SBF2: variants seen among roughly 807,000 people sequenced by gnomAD.
The protein encoded by SBF2 is myotubularin-related protein 13.
A neutral mutation model predicts 225.2 loss-of-function variants in SBF2; 112 were observed. The ratio of observed to expected loss-of-function variants is 0.50; its 90% CI spans 0.43 to 0.58. The LOEUF is 0.58. Among genes scored for constraint, SBF2 ranks in the 20% least tolerant of loss-of-function variants. SBF2 has a pLI of 0.00. For missense variants in SBF2, 1,996 were observed against 2,206.2 expected, an observed-to-expected ratio of 0.90 and a Z score of 1.91; for synonymous variants, 763 against 773.3, an observed-to-expected ratio of 0.99 and a Z score of 0.22.
Position 10,294,000 on chromosome 11 carries a change from G to A in SBF2, c.55+15C>T. 3.6e-6 allele frequency: 5 copies of A among 1,371,128 alleles called. No individual in the cohort carries two copies. The highest frequency in any genetic ancestry group is 6.3e-5 in the East Asian group (2 of 31,624). The allele number at this position is 1,371,128 out of a possible 1,614,324, so 84.9% of individuals were successfully genotyped here. A position where few individuals can be genotyped will look rare whatever the true frequency, so the allele number is the denominator to read the frequency against. ...GGCGGGGAGGCCCGGGGGCGGTGCCGCCCCACACCCTTACCTGGCTTCTCG... is the reference window on the plus strand; with the variant it reads ...GGCGGGGAGGCCCGGGGGCGGTGCCACCCCACACCCTTACCTGGCTTCTCG... On this transcript the variant is annotated intron_variant, in intron 1 of 39. Coordinates refer to ENST00000256190, the MANE Select transcript of SBF2 (RefSeq NM_030962.4).
chr11:10,195,959 T>C (rs879930657), intron 1 of SBF2, among the ~76,000 whole-genome samples: 2 of 152,132 alleles, frequency 1.3e-5, no homozygotes, highest in African/African-American at 2.4e-5. Context: ...ATGAAACAAA[T>C]TGCTAGGTGT....
intron 16 of SBF2, among the ~76,000 whole-genome samples, chr11:9,907,930 C>T (rs11042541): frequency 0.57 from 87,151 of 152,030 alleles, 25,268 homozygotes; most frequent in African/African-American, 0.6. Flanking sequence ...AAATTATTTG[C>T]TTGCGATTAT....
At chr11:10,299,712 G>T (rs774705564) in intron 1 of SBF2, among the ~76,000 whole-genome samples, 1 of 151,770 alleles carries the variant, frequency 6.6e-6, no homozygotes, top group South Asian at 2.1e-4. Flanking sequence ...GTATGTGTAT[G>T]TGGGGAGGGG....
chr11:10,172,734 T>C (rs1427455116), intron 2 of SBF2, among the ~76,000 whole-genome samples: 1 of 149,798 alleles, frequency 6.7e-6, no homozygotes, highest in Non-Finnish European at 1.5e-5. Flanking sequence ...TGGCGCCATC[T>C]TGGCTCACTG....
At chr11:9,826,731 ATG>A (rs71453933) in intron 28 of SBF2, among the ~76,000 whole-genome samples, 121 of 64,916 alleles carry the variant, frequency 1.9e-3, no homozygotes, top group African/African-American at 7.3e-3. Context: ...ATATATATAT[ATG>A]TGTGTGTGTG....
intron 2 of SBF2, among the ~76,000 whole-genome samples, chr11:10,085,586 T>C (rs1356365246): frequency 6.6e-6 from 1 of 152,246 alleles, no homozygotes; most frequent in Non-Finnish European, 1.5e-5. Flanking sequence ...ATTTGTCTTT[T>C]TGAACATTCG....
Position 10,021,629 on chromosome 11 carries a change from GAGA to G in SBF2, c.619+6820_619+6822del, listed in dbSNP as rs1163741478. ...ATTCATTATCATAACAATTCTTAGAGAGAAGAACAAAGGAAATGCTATCATTAC... is the reference window on the plus strand; with the variant it reads ...ATTCATTATCATAACAATTCTTAGAGAGAACAAAGGAAATGCTATCATTAC... On this transcript the variant is annotated intron_variant, in intron 6 of 39. Transcript: ENST00000256190. Among the ~76,000 whole-genome samples the G allele has an allele frequency of 3.9e-5, 6 of 151,984 alleles. No individual in the cohort carries two copies. The East Asian group carries it at 5.8e-4, about 15-fold the overall frequency.
chr11:9,990,671 G>A (rs1249317922), intron 12 of SBF2, among the ~76,000 whole-genome samples: 2 of 152,122 alleles, frequency 1.3e-5, no homozygotes, highest in African/African-American at 2.4e-5. Context: ...TGAACACTAA[G>A]GGGTGACTCA....
At chr11:9,846,339 G>C (rs960614759) in intron 23 of SBF2, among the ~76,000 whole-genome samples, 1 of 152,188 alleles carries the variant, frequency 6.6e-6, no homozygotes, top group African/African-American at 2.4e-5. Context: ...GGCATTCTTA[G>C]AAATCTGAGA....
At chr11:10,258,167 C>T (rs549763113) in intron 1 of SBF2, among the ~76,000 whole-genome samples, 19 of 150,812 alleles carry the variant, frequency 1.3e-4, no homozygotes, top group African/African-American at 4.4e-4. Flanking sequence ...ATGAGTGGTG[C>T]GATCAAACCT....
chr11:10,232,031 C>G (rs1263510525), intron 1 of SBF2, among the ~76,000 whole-genome samples: 1 of 152,258 alleles, frequency 6.6e-6, no homozygotes. Flanking sequence ...CCCAGCCTCA[C>G]TGCCGCCTTG....
intron 2 of SBF2, among the ~76,000 whole-genome samples, chr11:10,170,197 T>A (rs1348928317): frequency 6.6e-6 from 1 of 152,172 alleles, no homozygotes; most frequent in Non-Finnish European, 1.5e-5. Flanking sequence ...TTACTCGAAG[T>A]CTTTGCCCAG....
intron 2 of SBF2, among the ~76,000 whole-genome samples, chr11:10,108,813 C>T (rs1425361909): frequency 5.9e-5 from 9 of 152,032 alleles, no homozygotes; most frequent in Non-Finnish European, 8.8e-5. Flanking sequence ...CGTGAGCCAC[C>T]GCGCCCGGCC....
chr11:10,104,553 G>A (rs1034944286), intron 2 of SBF2, among the ~76,000 whole-genome samples: 1 of 151,140 alleles, frequency 6.6e-6, no homozygotes, highest in Admixed American at 6.6e-5. Flanking sequence ...ACGGGGCTGG[G>A]TGTGAGAGAC....
intron 1 of SBF2, among the ~76,000 whole-genome samples, chr11:10,266,826 C>T (rs898499286): frequency 2.0e-5 from 3 of 152,156 alleles, no homozygotes; most frequent in Non-Finnish European, 4.4e-5. Flanking sequence ...TGGTTGCTCA[C>T]GCCTGTAATC....
At position 9,785,104 on chromosome 11, in the gene SBF2, G is replaced by T. The variant is rs377475105; in HGVS notation, c.5231+21C>A. 9.3e-6 allele frequency: 15 copies of T among 1,610,794 alleles called. No individual in the cohort carries two copies. The African/African-American group carries it at 1.9e-4, about 20-fold the overall frequency. On this transcript the variant is annotated intron_variant, in intron 37 of 39. Coordinates refer to ENST00000256190, the MANE Select transcript of SBF2 (RefSeq NM_030962.4). ...GCTGTGGGGAAGTCTTCAGCACAGC[G>T]AGCAGGGTTCAGCATGTCACCTGTT...
In SBF2 at chr11:9,850,623, C is replaced by T. The variant is rs549637899; in HGVS notation, c.2611-405G>A. Among the ~76,000 whole-genome samples the T allele has an allele frequency of 7.7e-4, 117 of 152,212 alleles. No individual in the cohort carries two copies. In the South Asian group the frequency reaches 9.4e-3, roughly 12 times the overall value. On this transcript the variant is annotated intron_variant, in intron 21 of 39. Transcript: ENST00000256190. ...CATGGTTATCTTTTCAGTTACAGAC[C>T]TAAAAAACTTAAGCCAGACTTCCCA...
chr11:10,293,912 G>T, intron 1 of SBF2, 103 bp downstream of exon 1: 1 of 882,878 alleles, frequency 1.1e-6, no homozygotes, highest in Non-Finnish European at 1.5e-6. Flanking sequence ...GACTCGGCCT[G>T]GCCCTCCCCG....
intron 28 of SBF2, among the ~76,000 whole-genome samples, chr11:9,822,463 T>C (rs970277225): frequency 5.3e-5 from 8 of 152,130 alleles, no homozygotes; most frequent in South Asian, 4.1e-4. Flanking sequence ...GGTTTCACTG[T>C]GTTAGCCAGG....
Sources: gnomAD v4.1 joint callset for allele counts (sites outside exome capture counted in the v4.1 genomes callset) on GRCh38, gnomAD v4.1.1 for gene constraint, MANE v1.5 for transcripts, NCBI Gene and HGNC (gene_info 2026-07-23, HGNC 2026-07-21) for gene names.